Variants in RREB1 observed in about 807,000 individuals in gnomAD.
The protein encoded by RREB1 is ras-responsive element-binding protein 1.
A neutral mutation model predicts 117.8 loss-of-function variants in RREB1; 27 were observed. The observed-to-expected ratio is 0.23, with a 90% CI of 0.17 to 0.32. RREB1 has a LOEUF of 0.32. Among genes scored for constraint, RREB1 ranks in the 10% least tolerant of loss-of-function variants. RREB1 has a pLI of 1.00. For synonymous variants in RREB1, 1,298 were observed against 1,026.7 expected, an observed-to-expected ratio of 1.26 and a Z score of -5.05; for missense variants, 2,577 against 2,378.2, an observed-to-expected ratio of 1.08 and a Z score of -1.74.
intron 1 of RREB1, among the ~76,000 whole-genome samples, chr6:7,171,935 C>G (rs1764231246): frequency 6.6e-6 from 1 of 151,646 alleles, no homozygotes; most frequent in African/African-American, 2.4e-5. Flanking sequence ...GTTAAAGAGC[C>G]TGACCATTAG....
intron 6 of RREB1, among the ~76,000 whole-genome samples, chr6:7,200,283 T>TGTGTGTGTG (rs1491275718): frequency 4.3e-5 from 4 of 93,952 alleles, no homozygotes; most frequent in Admixed American, 9.0e-5. Flanking sequence ...TGTGTGTGTA[T>TGTGTGTGTG]TTTTTTTTTT....
intron 1 of RREB1, among the ~76,000 whole-genome samples, chr6:7,169,537 T>C (rs1027045541): frequency 1.3e-4 from 20 of 152,230 alleles, no homozygotes; most frequent in African/African-American, 4.8e-4. Context: ...CACAGCTGAG[T>C]GCCGAGGGCT....
In RREB1 at chr6:7,236,861, C is replaced by A. The variant is rs76323331; in HGVS notation, c.3809-3577C>A. 6.4e-3 allele frequency among the ~76,000 whole-genome samples: 787 copies of A among 123,874 alleles called. 6 individuals carry two copies. Among genetic ancestry groups the A allele is most frequent in the African/African-American group, 0.023 (733 of 31,220 alleles). 81.3% of individuals were successfully genotyped at this position (123,874 alleles called of 152,430 possible). On this transcript the variant is annotated intron_variant, in intron 10 of 12. Transcript: ENST00000379938. ...ACTGTTCTGGGAGAGTAAACACTGGCTAATTTTTTTTGTTTGTTTTTGGAG... is the reference window on the plus strand; with the variant it reads ...ACTGTTCTGGGAGAGTAAACACTGGATAATTTTTTTTGTTTGTTTTTGGAG...
chr6:7,220,670 C>T (rs1353543718), intron 8 of RREB1, among the ~76,000 whole-genome samples: 1 of 152,232 alleles, frequency 6.6e-6, no homozygotes, highest in African/African-American at 2.4e-5. Context: ...TAAACCTTTC[C>T]TCTGGCACAT....
chr6:7,145,867 A>G, intron 1 of RREB1, among the ~76,000 whole-genome samples: 1 of 151,720 alleles, frequency 6.6e-6, no homozygotes, highest in East Asian at 1.9e-4. Flanking sequence ...GGAGAAGAAG[A>G]GGGAAGAAAG....
At chr6:7,139,690 CAA>C (rs1424235364) in intron 1 of RREB1, among the ~76,000 whole-genome samples, 12 of 152,052 alleles carry the variant, frequency 7.9e-5, no homozygotes, top group East Asian at 7.7e-4. Context: ...TCTGTAAAAA[CAA>C]AATCTGTAAA....
At chr6:7,215,362 GAT>G (rs2113025821) in intron 8 of RREB1, 1 of 152,284 alleles carries the variant, frequency 6.6e-6, no homozygotes, top group African/African-American at 2.4e-5. Flanking sequence ...TCATTTTGAG[GAT>G]CTCGTTCTGT....
intron 10 of RREB1, among the ~76,000 whole-genome samples, chr6:7,236,000 C>T (rs1008839993): frequency 2.0e-5 from 3 of 152,166 alleles, no homozygotes; most frequent in African/African-American, 2.4e-5. Flanking sequence ...TTTCCTCCTT[C>T]CTTCCACTCC....
intron 1 of RREB1, among the ~76,000 whole-genome samples, chr6:7,128,297 C>T (rs1436880860): frequency 6.6e-6 from 1 of 152,028 alleles, no homozygotes; most frequent in Non-Finnish European, 1.5e-5. Flanking sequence ...CATGTGTTCT[C>T]GCATTTGAGA....
chr6:7,114,517 A>T (rs1336943508), intron 1 of RREB1, among the ~76,000 whole-genome samples: 2 of 151,032 alleles, frequency 1.3e-5, no homozygotes, highest in African/African-American at 4.9e-5. Context: ...TAGTGCATAG[A>T]CCCCAAAGAT....
Position 7,231,107 on chromosome 6 carries a change from C to T in RREB1, c.3008C>T (p.Pro1003Leu). 6.2e-7 allele frequency: 1 copy of T among 1,612,990 alleles called. No individual in the cohort carries two copies. Among genetic ancestry groups the T allele is most frequent in the Non-Finnish European group, 8.5e-7 (1 of 1,179,956 alleles). The change falls in exon 10 of 13, where the codon CCC (proline) becomes CTC (leucine). Residue 1003 changes from proline (P) to leucine (L), a missense_variant. Physicochemically the swap from Pro to Leu is moderately conservative, Grantham distance 98. Coordinates refer to ENST00000379938, the MANE Select transcript of RREB1 (RefSeq NM_001003699.4). ...MAPAPAATPE[P>L]PAQPLQGPVQ... ...CCTGCTCCGGCGGCCACCCCGGAAC[C>T]CCCAGCACAGCCCCTGCAGGGCCCT...
At chr6:7,139,948 T>C (rs1412276944) in intron 1 of RREB1, among the ~76,000 whole-genome samples, 2 of 152,240 alleles carry the variant, frequency 1.3e-5, no homozygotes, top group Non-Finnish European at 2.9e-5. Flanking sequence ...GTACAGTTCA[T>C]GCGCAGGTTT....
chr6:7,142,034 A>G (rs568046223), intron 1 of RREB1, among the ~76,000 whole-genome samples: 87 of 151,972 alleles, frequency 5.7e-4, no homozygotes, highest in African/African-American at 2.0e-3. Context: ...CAACATGGTG[A>G]AACCCCGTCT....
In RREB1 at chr6:7,229,083, C is replaced by T; in HGVS notation, c.984C>T (p.Leu328=). Residue 328 remains leucine (L), a synonymous_variant, in exon 10 of 13, where the codon CTC becomes CTT. Transcript: ENST00000379938. The surrounding 1 kb of genome is among the most constrained non-coding windows in gnomAD (Gnocchi z 4.5). The stretch of plus-strand genomic sequence containing the variant: ...CCTGTGACAAGGCGTTCCCCATGCT[C>T]TGCTCACTGGCTCTGCACAAGCAGA... The part of the protein sequence containing the change: ...CDTCDKAFPM[L]CSLALHKQTH... 1 of 1,595,128 alleles carries T rather than the reference C, an allele frequency of 6.3e-7. No individual in the cohort carries two copies. The highest frequency in any genetic ancestry group is 8.6e-7 in the Non-Finnish European group (1 of 1,165,938).
chr6:7,167,654 A>C (rs527765139), intron 1 of RREB1, among the ~76,000 whole-genome samples: 1 of 152,224 alleles, frequency 6.6e-6, no homozygotes, highest in South Asian at 2.1e-4. Flanking sequence ...TTTTTAGAAG[A>C]CCATCAAGGT....
At chr6:7,162,248 C>T (rs1324896887) in intron 1 of RREB1, among the ~76,000 whole-genome samples, 1 of 151,912 alleles carries the variant, frequency 6.6e-6, no homozygotes, top group Admixed American at 6.6e-5. Context: ...GTCTTTATCT[C>T]ATTTTAAAAG....
Position 7,230,864 on chromosome 6 carries a change from C to A in RREB1, c.2765C>A (p.Pro922His). The change falls in exon 10 of 13, where the codon CCT (proline) becomes CAT (histidine). Residue 922 changes from proline (P) to histidine (H), a missense_variant. By Grantham distance (77) the Pro-to-His change is moderately conservative. Transcript: ENST00000379938. The part of the protein sequence containing the change: ...VKQENISFLS[P>H]SSLVPYDCSM... ...CAGGAAAACATCTCCTTTCTGAGCC[C>A]TTCTTCCCTGGTCCCCTATGACTGC... The A allele has an allele frequency of 6.2e-7, 1 of 1,614,264 alleles. No homozygotes were observed.
At chr6:7,247,933 A>G (rs567308672) in intron 12 of RREB1, among the ~76,000 whole-genome samples, 1 of 152,306 alleles carries the variant, frequency 6.6e-6, no homozygotes, top group African/African-American at 2.4e-5. Flanking sequence ...CGCAGTGAAC[A>G]CATGTGCCCC....
Position 7,248,797 on chromosome 6 carries a change from C to T in RREB1, c.5058C>T (p.His1686=), listed in dbSNP as rs1769267421. 2 of 1,613,912 alleles carry T rather than the reference C, an allele frequency of 1.2e-6. No individual in the cohort carries two copies. The highest frequency in any genetic ancestry group is 2.7e-5 in the African/African-American group (2 of 74,936). Residue 1686 remains histidine (H), a synonymous_variant, in exon 13 of 13, where the codon CAC becomes CAT. Coordinates refer to ENST00000379938, the MANE Select transcript of RREB1 (RefSeq NM_001003699.4). ...GLASATKDCS[H]REEKVTAGWP... ...CCAGTGCCACCAAGGACTGCAGCCA[C>T]AGGGAGGAGAAGGTCACGGCAGGGT...
Sources: gnomAD v4.1 joint callset for allele counts (sites outside exome capture counted in the v4.1 genomes callset) on GRCh38, gnomAD v4.1.1 for gene constraint, Gnocchi (gnomAD v3.1) non-coding constraint, MANE v1.5 for transcripts, NCBI Gene and HGNC (gene_info 2026-07-23, HGNC 2026-07-21) for gene names.